Variants in CACNA2D3 observed in about 807,000 individuals in gnomAD.
CACNA2D3 encodes the protein voltage-dependent calcium channel subunit alpha-2/delta-3.
Under a neutral mutation model 160.6 loss-of-function variants are expected in CACNA2D3, and 60 were observed. That is an observed-to-expected ratio of 0.37 (90% CI 0.30 to 0.46). The LOEUF is 0.46. Among genes scored for constraint, CACNA2D3 ranks in the 20% least tolerant of loss-of-function variants. The pLI is 1.00. For missense variants in CACNA2D3, 1,205 were observed against 1,365.0 expected (o/e 0.88, Z 1.85); for synonymous variants, 558 against 492.9 (o/e 1.13, Z -1.75).
chr3:54,808,635 G>GGGACA (rs1323868120), intron 13 of CACNA2D3, among the ~76,000 whole-genome samples: 2 of 152,152 alleles, frequency 1.3e-5, no homozygotes, highest in East Asian at 3.8e-4. Flanking sequence ...CCTAGGGCAA[G>GGGACA]GGACACTGAA....
In CACNA2D3 at chr3:54,879,355, G is replaced by A. The variant is rs1230100392; in HGVS notation, c.1788G>A (p.Arg596=). Residue 596 remains arginine (R), a synonymous_variant, in exon 20 of 38, where the codon CGG becomes CGA. Transcript: ENST00000474759. ...EVKKTVDKGK[R]VLVMTNDYYY... Reference sequence around the variant, plus strand: ...TTTTTTTTTTTTCAATCTAGAAACGGGTTTTGGTGATGACAAATGACTACT... The same window carrying A: ...TTTTTTTTTTTTCAATCTAGAAACGAGTTTTGGTGATGACAAATGACTACT... 6.2e-7 allele frequency: 1 copy of A among 1,604,096 alleles called. No homozygotes were observed.
At chr3:54,144,884 A>T (rs564401058) in intron 2 of CACNA2D3, among the ~76,000 whole-genome samples, 1 of 152,342 alleles carries the variant, frequency 6.6e-6, no homozygotes, top group East Asian at 1.9e-4. Flanking sequence ...CTTCAAGCTT[A>T]GGACTATAGG....
At chr3:54,431,897 C>T (rs572021883) in intron 4 of CACNA2D3, among the ~76,000 whole-genome samples, 27 of 152,282 alleles carry the variant, frequency 1.8e-4, no homozygotes, top group African/African-American at 6.0e-4. Flanking sequence ...CATGAGCCAC[C>T]ACACCTGGCC....
intron 8 of CACNA2D3, among the ~76,000 whole-genome samples, chr3:54,581,265 G>A (rs901661880): frequency 6.6e-5 from 10 of 152,196 alleles, no homozygotes; most frequent in South Asian, 2.1e-4. Flanking sequence ...AGTGATGGGA[G>A]TGCCGGTGTT....
At chr3:55,031,836 T>A (rs1490205619) in intron 35 of CACNA2D3, among the ~76,000 whole-genome samples, 3 of 152,206 alleles carry the variant, frequency 2.0e-5, no homozygotes, top group Admixed American at 1.3e-4. Flanking sequence ...GTGTAGATGA[T>A]CAAAGTCAGG....
At chr3:54,906,119 A>T in intron 27 of CACNA2D3, among the ~76,000 whole-genome samples, 1 of 152,046 alleles carries the variant, frequency 6.6e-6, no homozygotes, top group Non-Finnish European at 1.5e-5. Flanking sequence ...ACCTCTGAGA[A>T]TGCTGAGCAT....
At chr3:54,817,467 G>C (rs62254513) in intron 14 of CACNA2D3, among the ~76,000 whole-genome samples, 2,535 of 152,290 alleles carry the variant, frequency 0.017, 41 homozygotes, top group Middle Eastern at 0.034. Flanking sequence ...CCATGTGGTT[G>C]CAGTGATGGC....
At chr3:54,660,966 G>T (rs536578111) in intron 11 of CACNA2D3, among the ~76,000 whole-genome samples, 1 of 152,224 alleles carries the variant, frequency 6.6e-6, no homozygotes, top group Non-Finnish European at 1.5e-5. Flanking sequence ...CTCTTTGGGG[G>T]AGGCTTGTAA....
chr3:54,718,764 G>T (rs1215232469), intron 11 of CACNA2D3, among the ~76,000 whole-genome samples: 1 of 152,008 alleles, frequency 6.6e-6, no homozygotes, highest in Admixed American at 6.5e-5. Context: ...ATCAACTGAA[G>T]AAGGATTGAC....
chr3:55,028,604 A>C (rs1703614868), intron 35 of CACNA2D3, among the ~76,000 whole-genome samples: 1 of 152,234 alleles, frequency 6.6e-6, no homozygotes, highest in Non-Finnish European at 1.5e-5. Flanking sequence ...AGATTCACAA[A>C]GACTTGCTTA....
chr3:54,167,831 G>A (rs1700488426), intron 2 of CACNA2D3, among the ~76,000 whole-genome samples: 1 of 152,226 alleles, frequency 6.6e-6, no homozygotes, highest in Non-Finnish European at 1.5e-5. Flanking sequence ...GCAGACTTAA[G>A]GGAGCATTAG....
At chr3:54,439,970 C>T (rs139630015) in intron 4 of CACNA2D3, among the ~76,000 whole-genome samples, 2 of 152,306 alleles carry the variant, frequency 1.3e-5, no homozygotes, top group Non-Finnish European at 2.9e-5. Flanking sequence ...ATCCAAGTGT[C>T]CTGCTTGTGG....
intron 3 of CACNA2D3, among the ~76,000 whole-genome samples, chr3:54,329,751 A>G (rs1227317364): frequency 6.6e-6 from 1 of 152,196 alleles, no homozygotes; most frequent in Non-Finnish European, 1.5e-5. Context: ...AAGCCATAAT[A>G]ATAATAATAA....
At chr3:55,027,549 C>G (rs555029489) in intron 35 of CACNA2D3, among the ~76,000 whole-genome samples, 90 of 152,260 alleles carry the variant, frequency 5.9e-4, no homozygotes, top group African/African-American at 1.9e-3. Context: ...AATTCGCATA[C>G]AAATTTATCA....
chr3:54,917,545 G>A (rs1161400066), intron 27 of CACNA2D3, among the ~76,000 whole-genome samples: 1 of 152,190 alleles, frequency 6.6e-6, no homozygotes, highest in Non-Finnish European at 1.5e-5. Context: ...ATGTTTATGT[G>A]TGGGTGTGGT....
chr3:54,905,242 T>C (rs1700428301), intron 27 of CACNA2D3, among the ~76,000 whole-genome samples: 1 of 152,286 alleles, frequency 6.6e-6, no homozygotes, highest in East Asian at 1.9e-4. Context: ...TGTGGTCTCA[T>C]TTGCATAACT....
intron 17 of CACNA2D3, among the ~76,000 whole-genome samples, chr3:54,851,227 A>T (rs1699050799): frequency 6.6e-6 from 1 of 152,114 alleles, no homozygotes; most frequent in South Asian, 2.1e-4. Flanking sequence ...CAAGCCTAGG[A>T]TATTATGTGC....
At chr3:54,714,885 T>A (rs1039672154) in intron 11 of CACNA2D3, among the ~76,000 whole-genome samples, 20 of 152,186 alleles carry the variant, frequency 1.3e-4, no homozygotes, top group Non-Finnish European at 2.8e-4. Flanking sequence ...TATAGGAAAA[T>A]CCAAACTCAG....
At chr3:55,064,843 A>G (rs1389626683) in intron 35 of CACNA2D3, among the ~76,000 whole-genome samples, 4 of 152,138 alleles carry the variant, frequency 2.6e-5, no homozygotes, top group Non-Finnish European at 4.4e-5. Flanking sequence ...GTGTGACTGC[A>G]TAGAGGGTAA....
Sources: gnomAD v4.1 joint callset for allele counts (sites outside exome capture counted in the v4.1 genomes callset) on GRCh38, gnomAD v4.1.1 for gene constraint, MANE v1.5 for transcripts, NCBI Gene and HGNC (gene_info 2026-07-23, HGNC 2026-07-21) for gene names.